Variants in PRDX1 observed in about 807,000 individuals in gnomAD.
PRDX1 encodes the protein peroxiredoxin-1.
Under a neutral mutation model 20.7 loss-of-function variants are expected in PRDX1, and 19 were observed. The ratio of observed to expected loss-of-function variants is 0.92; its 90% CI spans 0.64 to 1.35. The LOEUF (loss-of-function observed/expected upper bound fraction) is 1.35, where lower values mean the gene tolerates loss of function less well. PRDX1 is among the 40% of genes most tolerant of loss of function. PRDX1 has a pLI of 0.00. For synonymous variants in PRDX1, 89 were observed against 83.9 expected (o/e 1.06, Z -0.33); for missense variants, 226 against 240.0 (o/e 0.94, Z 0.38).
chr1:45,515,051 A>G, intron 3 of PRDX1, 56 bp from the exon 4 acceptor site: 1 of 1,591,850 alleles, frequency 6.3e-7, no homozygotes, highest in Non-Finnish European at 8.6e-7. Flanking sequence ...GACTGTACGC[A>G]TTCCTCTTTC....
At chr1:45,517,372 G>A (rs1643870744) in intron 2 of PRDX1, among the ~76,000 whole-genome samples, 1 of 152,246 alleles carries the variant, frequency 6.6e-6, no homozygotes. Context: ...TGAGTTTCAG[G>A]TTAGCATTCT....
chr1:45,515,598 C>CAAAAAAAAAAAAAAAAAAGAAAA (rs1643845288), intron 3 of PRDX1, 56 bp downstream of exon 3: 1 of 790,810 alleles, frequency 1.3e-6, no homozygotes, highest in African/African-American at 3.3e-5. Flanking sequence ...GACTCCATCT[C>CAAAAAAAAAAAAAAAAAAGAAAA]AAAAAAAAAA....
rs1643882616 is a variant in PRDX1, at chr1:45,518,815, C to T, written c.106+123G>A. 3 of 882,460 alleles carry T rather than the reference C, an allele frequency of 3.4e-6. No individual in the cohort carries two copies. In the Admixed American group the frequency reaches 8.6e-5, roughly 25 times the overall value. 54.7% of individuals were successfully genotyped at this position (882,460 alleles called of 1,614,324 possible). The stretch of plus-strand genomic sequence containing the variant: ...ACCACTTCAACATGAAGGTAACAAC[C>T]TAAATACTTCTTCCTAGGAGACAAA... On this transcript the variant is annotated intron_variant, in intron 2 of 5. Transcript: ENST00000319248.
chr1:45,511,247 T>C lies in PRDX1; in HGVS notation c.*82A>G. 1.6e-6 allele frequency: 2 copies of C among 1,213,726 alleles called. No individual in the cohort carries two copies. The highest frequency in any genetic ancestry group is 2.3e-6 in the Non-Finnish European group (2 of 861,426). The allele number at this position is 1,213,726 out of a possible 1,614,324, so 75.2% of individuals were successfully genotyped here. ...TCGGCTGAATCTGAAGTCTTGTGTT[T>C]TACTAATGGAAAAAAAAAATACAGA... On this transcript the variant is annotated 3_prime_UTR_variant, in exon 6 of 6. Transcript: ENST00000319248.
intron 2 of PRDX1, among the ~76,000 whole-genome samples, chr1:45,517,802 AAAC>A (rs1197522746): frequency 1.7e-3 from 194 of 113,226 alleles, no homozygotes; most frequent in Middle Eastern, 9.5e-3. Context: ...AAAAAAAAAA[AAAC>A]TATGACAACA....
chr1:45,518,853 C>T, intron 2 of PRDX1, 85 bp downstream of exon 2: 1 of 1,229,196 alleles, frequency 8.1e-7, no homozygotes, highest in South Asian at 1.4e-5. Flanking sequence ...ATTTTACAGT[C>T]AAACAACATT....
At chr1:45,514,063 TGA>T (rs1370144113) in intron 5 of PRDX1, among the ~76,000 whole-genome samples, 5 of 152,204 alleles carry the variant, frequency 3.3e-5, no homozygotes, top group Admixed American at 6.5e-5. Flanking sequence ...TTCCATCTAC[TGA>T]GACAGGGGAA....
intron 5 of PRDX1, 39 bp from the exon 6 acceptor site, chr1:45,511,453 A>G: frequency 6.5e-7 from 1 of 1,545,896 alleles, no homozygotes; most frequent in Admixed American, 1.7e-5. Context: ...AACCTTCTCA[A>G]TGGTATGCAC....
chr1:45,511,621 C>A, intron 5 of PRDX1: 1 of 396,072 alleles, frequency 2.5e-6, no homozygotes, highest in Non-Finnish European at 4.5e-6. Context: ...ACTATCATGC[C>A]TAATTTATTC....
intron 1 of PRDX1, among the ~76,000 whole-genome samples, chr1:45,520,043 A>G (rs1553164012): frequency 6.6e-6 from 1 of 151,958 alleles, no homozygotes; most frequent in Non-Finnish European, 1.5e-5. Context: ...CGTCTCTACT[A>G]GAAACACAAA....
At chr1:45,519,118 CTACT>C (rs1346530230) in intron 1 of PRDX1, 64 bp from the exon 2 acceptor site, 24 of 1,160,068 alleles carry the variant, frequency 2.1e-5, no homozygotes, top group Non-Finnish European at 2.7e-5. Context: ...CAGCCTTCAC[CTACT>C]TAAAGAGACT....
At chr1:45,517,021 CAA>C (rs10700951) in intron 2 of PRDX1, among the ~76,000 whole-genome samples, 20 of 89,628 alleles carry the variant, frequency 2.2e-4, no homozygotes, top group Non-Finnish European at 3.5e-4. Context: ...AATTCCACCT[CAA>C]AAAAAAAAAA....
Position 45,518,982 on chromosome 1 carries a change from A to C in PRDX1, c.62T>G (p.Met21Arg), listed in dbSNP as rs779936396. Residue 21 changes from methionine to arginine, a missense_variant, in exon 2 of 6, where the codon ATG (methionine) becomes AGG (arginine). Met to Arg is a moderately conservative substitution (Grantham distance 91). Transcript: ENST00000319248. Reference sequence around the variant, plus strand: ...GATATCTTTAAACTGACCATCTGGCATAACAGCTGTGGCTTTGAAGTTGGG... The same window carrying C: ...GATATCTTTAAACTGACCATCTGGCCTAACAGCTGTGGCTTTGAAGTTGGG... Reference protein sequence around the residue: ...PAPNFKATAVMPDGQFKDISL... With the variant: ...PAPNFKATAVRPDGQFKDISL... 1 of 1,605,900 alleles carries C rather than the reference A, an allele frequency of 6.2e-7. No individual in the cohort carries two copies. The highest frequency in any genetic ancestry group is 1.3e-5 in the African/African-American group (1 of 74,562).
intron 5 of PRDX1, 61 bp downstream of exon 5, chr1:45,514,446 A>T: frequency 6.3e-7 from 1 of 1,592,722 alleles, no homozygotes; most frequent in East Asian, 2.2e-5. Flanking sequence ...ACAGGTGTGA[A>T]GGGGCAACCC....
intron 1 of PRDX1, among the ~76,000 whole-genome samples, chr1:45,521,144 G>A (rs1643908733): frequency 6.6e-6 from 1 of 152,068 alleles, no homozygotes; most frequent in African/African-American, 2.4e-5. Flanking sequence ...TTCCCAAGTG[G>A]CCCCCAAGTA....
chr1:45,512,927 A>T (rs1271391444), intron 5 of PRDX1: 1 of 152,206 alleles, frequency 6.6e-6, no homozygotes, highest in African/African-American at 2.4e-5. Context: ...ACTTGGTGCT[A>T]GCCAAGCTAG....
chr1:45,522,438 C>A (rs1242061485), upstream of PRDX1, among the ~76,000 whole-genome samples: 1 of 152,120 alleles, frequency 6.6e-6, no homozygotes, highest in Non-Finnish European at 1.5e-5. Flanking sequence ...CCTAAACTTA[C>A]GCCAGAGGGA....
upstream of PRDX1, chr1:45,522,880 A>T (rs546994663): frequency 6.6e-6 from 1 of 152,262 alleles, no homozygotes; most frequent in South Asian, 2.1e-4. Flanking sequence ...AGTGTCTGGG[A>T]CTACAAGCAC....
intron 3 of PRDX1, among the ~76,000 whole-genome samples, 194 bp from the exon 4 acceptor site, chr1:45,515,189 T>TGC (rs1643836033): frequency 1.3e-5 from 2 of 152,208 alleles, no homozygotes; most frequent in South Asian, 4.1e-4. Flanking sequence ...TTGAAGCTGC[T>TGC]TCTTCTCTGC....
Sources: gnomAD v4.1 joint callset for allele counts (sites outside exome capture counted in the v4.1 genomes callset) on GRCh38, gnomAD v4.1.1 for gene constraint, MANE v1.5 for transcripts, NCBI Gene and HGNC (gene_info 2026-07-23, HGNC 2026-07-21) for gene names.